Variants in MTHFD2L observed in about 807,000 individuals in gnomAD.
MTHFD2L encodes bifunctional methylenetetrahydrofolate dehydrogenase/cyclohydrolase 2, mitochondrial.
In MTHFD2L, 29 loss-of-function variants were observed where a neutral mutation model predicts 34.9. The ratio of observed to expected loss-of-function variants is 0.83; its 90% confidence interval spans 0.62 to 1.13. The LOEUF is 1.13. Ranked by LOEUF, MTHFD2L falls within the 50% of genes most tolerant of loss-of-function variation. The pLI, the probability that MTHFD2L is intolerant of heterozygous loss-of-function variation, is 0.00. For synonymous variants in MTHFD2L, 167 were observed against 155.7 expected (o/e 1.07, Z -0.54); for missense variants, 481 against 446.5 (o/e 1.08, Z -0.70).
rs79173726 is a variant in MTHFD2L, at chr4:74,300,082, C to G, written c.932-1615C>G. ...TTTATTGAATGGCTATTGACCCATT[C>G]TAATGTTTCTATAGAATAGAATGCA... On this transcript the variant is annotated intron_variant, in intron 7 of 7. Transcript: ENST00000325278. Among the ~76,000 whole-genome samples, 302 of 152,092 alleles carry G rather than the reference C, an allele frequency of 2.0e-3. 4 individuals are homozygous for G. Among genetic ancestry groups the G allele is most frequent in the Middle Eastern group, 3.4e-3 (1 of 294 alleles).
chr4:74,166,775 A>G (rs982318168), intron 1 of MTHFD2L, among the ~76,000 whole-genome samples: 1 of 152,200 alleles, frequency 6.6e-6, no homozygotes, highest in African/African-American at 2.4e-5. Context: ...GGCATCAGGT[A>G]GAAACTCATG....
chr4:74,282,463 A>G (rs1011653756), intron 7 of MTHFD2L, among the ~76,000 whole-genome samples: 2 of 152,028 alleles, frequency 1.3e-5, no homozygotes, highest in African/African-American at 4.8e-5. Flanking sequence ...AATAATTTAG[A>G]TTTTGTTTTT....
upstream of MTHFD2L, among the ~76,000 whole-genome samples, chr4:74,120,063 A>T (rs1224212217): frequency 6.6e-6 from 1 of 152,248 alleles, no homozygotes; most frequent in African/African-American, 2.4e-5. Context: ...TACTGACAGC[A>T]TCATATCATT....
chr4:74,132,537 A>G (rs955224967), intron 1 of MTHFD2L, among the ~76,000 whole-genome samples: 18 of 152,250 alleles, frequency 1.2e-4, no homozygotes, highest in South Asian at 2.1e-4. Context: ...GAGTTGAACA[A>G]TGAGAACACA....
chr4:74,225,540 A>G lies in MTHFD2L; in HGVS notation c.805+146A>G, dbSNP rs189385492. On this transcript the variant is annotated intron_variant, in intron 6 of 7. Coordinates refer to ENST00000325278, the MANE Select transcript of MTHFD2L (RefSeq NM_001144978.3). ...GATTGGATTCTGTCTCTTGGCAATC[A>G]TTATATCAGTCCATTGTGCCTATGT... is the stretch of plus-strand genomic sequence containing the variant. The G allele has an allele frequency of 1.1e-3, 687 of 646,480 alleles. 7 individuals are homozygous for G. The highest frequency in any genetic ancestry group is 8.9e-3 in the Middle Eastern group (32 of 3,596). 40.0% of individuals were successfully genotyped at this position (646,480 alleles called of 1,614,324 possible).
chr4:74,195,005 A>G (rs1733226954), intron 3 of MTHFD2L: 1 of 152,238 alleles, frequency 6.6e-6, no homozygotes. Flanking sequence ...TTTAACAGTG[A>G]GAATGTGGTA....
At position 74,140,867 on chromosome 4, in the gene MTHFD2L, G is replaced by A. The variant is rs58499697; in HGVS notation, c.-297+15350G>A. Reference sequence around the variant, plus strand: ...ACAGGATGGGGTAAACTGCCCCCACGATTCAATTTTCTTTTCCTGGTTCCT... The same window carrying A: ...ACAGGATGGGGTAAACTGCCCCCACAATTCAATTTTCTTTTCCTGGTTCCT... On this transcript the variant is annotated intron_variant, in intron 1 of 7. Transcript: ENST00000433372. Among the ~76,000 whole-genome samples, 589 of 152,260 alleles carry A rather than the reference G, an allele frequency of 3.9e-3. 2 individuals are homozygous for A. The highest frequency in any genetic ancestry group is 0.013 in the African/African-American group (546 of 41,566).
chr4:74,214,546 A>G (rs1736874468), intron 5 of MTHFD2L, among the ~76,000 whole-genome samples: 1 of 151,734 alleles, frequency 6.6e-6, no homozygotes, highest in Non-Finnish European at 1.5e-5. Context: ...AGGCTGCAGA[A>G]CAGCAAAGAT....
intron 6 of MTHFD2L, among the ~76,000 whole-genome samples, chr4:74,277,947 T>C (rs72654828): frequency 1.3e-3 from 200 of 152,202 alleles, no homozygotes; most frequent in Non-Finnish European, 2.3e-3. Context: ...TCTGCACATA[T>C]GTTATAGGTC....
chr4:74,165,501 G>A (rs1726490563), intron 1 of MTHFD2L, among the ~76,000 whole-genome samples: 1 of 152,068 alleles, frequency 6.6e-6, no homozygotes, highest in African/African-American at 2.4e-5. Flanking sequence ...GGGACTACAG[G>A]TGCATGCCAC....
chr4:74,168,825 G>A (rs574734120), intron 1 of MTHFD2L, among the ~76,000 whole-genome samples: 1 of 152,250 alleles, frequency 6.6e-6, no homozygotes, highest in Admixed American at 6.5e-5. Flanking sequence ...TTATTCAGGG[G>A]CTGAACATTT....
rs1191573070 is a variant in MTHFD2L, at chr4:74,281,467, C to T, written c.848C>T (p.Ala283Val). The T allele has an allele frequency of 1.2e-6, 2 of 1,612,574 alleles. No homozygotes were observed. The highest frequency in any genetic ancestry group is 1.3e-5 in the African/African-American group (1 of 74,770). ...LITSDMVKEG[A>V]AVIDVGINYV... ...ACGTCTGATATGGTTAAAGAAGGTGCTGCTGTAATTGATGTGGGTATCAAC... is the reference window on the plus strand; with the variant it reads ...ACGTCTGATATGGTTAAAGAAGGTGTTGCTGTAATTGATGTGGGTATCAAC... The change falls in exon 7 of 8, where the codon GCT (alanine) becomes GTT (valine). Residue 283 changes from alanine to valine, a missense_variant. Transcript: ENST00000325278.
intron 6 of MTHFD2L, among the ~76,000 whole-genome samples, chr4:74,244,261 A>G (rs1742110282): frequency 6.6e-6 from 1 of 152,210 alleles, no homozygotes; most frequent in Non-Finnish European, 1.5e-5. Flanking sequence ...GATCAGAAAG[A>G]TAGATGAGTG....
chr4:74,148,474 A>G (rs1213512193), intron 1 of MTHFD2L, among the ~76,000 whole-genome samples: 1 of 150,916 alleles, frequency 6.6e-6, no homozygotes, highest in Non-Finnish European at 1.5e-5. Context: ...TGCAACCTCT[A>G]CCTCCCAGGT....
At chr4:74,179,944 G>T (rs146249521) in intron 3 of MTHFD2L, among the ~76,000 whole-genome samples, 1 of 151,972 alleles carries the variant, frequency 6.6e-6, no homozygotes, top group African/African-American at 2.4e-5. Context: ...CTTCAAAGTC[G>T]CCTTGCTGTT....
chr4:74,300,008 A>G (rs1466512335), intron 7 of MTHFD2L, among the ~76,000 whole-genome samples: 1 of 152,042 alleles, frequency 6.6e-6, no homozygotes, highest in Non-Finnish European at 1.5e-5. Context: ...TGATCCAGGT[A>G]GAAGGAACAG....
intron 7 of MTHFD2L, among the ~76,000 whole-genome samples, chr4:74,294,307 A>G (rs1749361627): frequency 6.6e-6 from 1 of 152,028 alleles, no homozygotes; most frequent in African/African-American, 2.4e-5. Context: ...TATATAATGT[A>G]CTGAAGTAGA....
At chr4:74,296,527 G>A (rs1436322634) in intron 7 of MTHFD2L, among the ~76,000 whole-genome samples, 1 of 152,116 alleles carries the variant, frequency 6.6e-6, no homozygotes, top group Non-Finnish European at 1.5e-5. Context: ...AAGCAGAAGT[G>A]TGAAAACCGT....
At chr4:74,187,797 A>C (rs1731594733) in intron 3 of MTHFD2L, among the ~76,000 whole-genome samples, 1 of 130,720 alleles carries the variant, frequency 7.6e-6, no homozygotes. Flanking sequence ...GTGCCTGTGT[A>C]TTTACACACA....
Sources: gnomAD v4.1 joint callset for allele counts (sites outside exome capture counted in the v4.1 genomes callset) on GRCh38, gnomAD v4.1.1 for gene constraint, MANE v1.5 for transcripts, NCBI Gene and HGNC (gene_info 2026-07-23, HGNC 2026-07-21) for gene names.